CEMIP2: variants seen among roughly 807,000 people sequenced by gnomAD.
CEMIP2 encodes the protein cell migration inducing hyaluronidase 2.
CEMIP2 carries 79 observed loss-of-function variants against 146.9 expected under a neutral mutation model. The observed-to-expected ratio is 0.54, with a 90% CI of 0.45 to 0.65. The LOEUF (loss-of-function observed/expected upper bound fraction) is 0.65. Ranked by LOEUF, CEMIP2 falls within the 30% of genes least tolerant of loss-of-function variation. The pLI is 0.00. For synonymous variants in CEMIP2, 601 were observed against 606.3 expected, an observed-to-expected ratio of 0.99 and a Z score of 0.13; for missense variants, 1,596 against 1,696.2, an observed-to-expected ratio of 0.94 and a Z score of 1.04.
intron 1 of CEMIP2, among the ~76,000 whole-genome samples, chr9:71,765,742 T>C (rs1163301504): frequency 1.3e-5 from 2 of 152,184 alleles, no homozygotes; most frequent in African/African-American, 2.4e-5. Flanking sequence ...GGGGCTAGGC[T>C]CATTTCTTCA....
At chr9:71,743,359 A>G (rs1199712542) in intron 4 of CEMIP2, among the ~76,000 whole-genome samples, 1 of 152,190 alleles carries the variant, frequency 6.6e-6, no homozygotes, top group Non-Finnish European at 1.5e-5. Context: ...CAGGCATCAC[A>G]TTGCGGCAAC....
At chr9:71,697,632 G>T (rs1822438102) in intron 20 of CEMIP2, among the ~76,000 whole-genome samples, 1 of 152,002 alleles carries the variant, frequency 6.6e-6, no homozygotes, top group Non-Finnish European at 1.5e-5. Context: ...ACAAAACAAA[G>T]TATCTTTTTT....
At position 71,730,236 on chromosome 9, in the gene CEMIP2, C is replaced by A; in HGVS notation, c.1791G>T (p.Gly597=). ...TNGLLIKDTI[G]FDTLGHCFFL... ...AGAAACAATGACCTAGTGTGTCAAA[C>A]CCAATGGTGTCTTTTATCTGCAGAA... Residue 597 remains glycine, a synonymous_variant, in exon 9 of 24, where the codon GGG becomes GGT. Transcript: ENST00000377044. 1.2e-6 allele frequency: 2 copies of A among 1,613,998 alleles called. No homozygotes were observed. The highest frequency in any genetic ancestry group is 1.7e-6 in the Non-Finnish European group (2 of 1,180,002).
chr9:71,760,812 T>G (rs941787552), intron 1 of CEMIP2, among the ~76,000 whole-genome samples: 2 of 152,134 alleles, frequency 1.3e-5, no homozygotes. Context: ...TGCAGAGAGA[T>G]AGATTGTTCT....
At position 71,730,871 on chromosome 9, in the gene CEMIP2, A is replaced by C; in HGVS notation, c.1607T>G (p.Leu536Trp). The change falls in exon 8 of 24, where the codon TTG becomes TGG. Residue 536 changes from leucine to tryptophan, a missense_variant. Physicochemically the swap from Leu to Trp is moderately conservative, Grantham distance 61. Coordinates refer to ENST00000377044, the MANE Select transcript of CEMIP2 (RefSeq NM_013390.3). The part of the protein sequence containing the change: ...FTSVHLSYVE[L>W]KHMGQQQMGR... Reference sequence around the variant, plus strand: ...CATCTGCTGCTGACCCATGTGTTTCAATTCCACATAAGAAAGATGGACTGA... The same window carrying C: ...CATCTGCTGCTGACCCATGTGTTTCCATTCCACATAAGAAAGATGGACTGA... The C allele has an allele frequency of 6.2e-7, 1 of 1,614,200 alleles. No individual in the cohort carries two copies. The highest frequency in any genetic ancestry group is 8.5e-7 in the Non-Finnish European group (1 of 1,180,024).
chr9:71,752,171 G>C (rs1824272667), intron 1 of CEMIP2, among the ~76,000 whole-genome samples: 1 of 151,744 alleles, frequency 6.6e-6, no homozygotes, highest in Non-Finnish European at 1.5e-5. Flanking sequence ...TTAAACCTAG[G>C]TATTTTTACT....
Position 71,728,273 on chromosome 9 carries a change from A to ATACGTATATATATATATACG in CEMIP2, c.2049+1571_2049+1572insCGTATATATATATATACGTA, listed in dbSNP as rs1554684704. On this transcript the variant is annotated intron_variant, in intron 10 of 23. Transcript: ENST00000377044. ...TATGTATATACACGTATATATATAT[A>ATACGTATATATATATATACG]TATATATGTATATATATATATATAT... Among the ~76,000 whole-genome samples the ATACGTATATATATATATACG allele has an allele frequency of 2.2e-3, 21 of 9,618 alleles. 5 individuals are homozygous for ATACGTATATATATATATACG. Among genetic ancestry groups the ATACGTATATATATATATACG allele is most frequent in the Non-Finnish European group, 4.6e-3 (14 of 3,040 alleles). The allele number at this position is 9,618 out of a possible 152,430, so 6.3% of individuals were successfully genotyped here.
rs1424379294 is a variant in CEMIP2, at chr9:71,740,194, C to T, written c.1073G>A (p.Ser358Asn). 1.2e-5 allele frequency: 20 copies of T among 1,613,802 alleles called. No individual in the cohort carries two copies. The highest frequency in any genetic ancestry group is 1.5e-5 in the Non-Finnish European group (18 of 1,180,012). ...WALVGVIDGG[S>N]TSCNESVRNY... ...TCTCACGGATTCATTGCAAGAAGTG[C>T]TTCCACCATCAATGACACCAACTAA... Residue 358 changes from serine (S) to asparagine (N), a missense_variant, in exon 5 of 24, where the codon AGC (serine) becomes AAC (asparagine). Ser to Asn is a conservative substitution (Grantham distance 46, BLOSUM62 1). Coordinates refer to ENST00000377044, the MANE Select transcript of CEMIP2 (RefSeq NM_013390.3).
intron 11 of CEMIP2, 28 bp from the exon 12 acceptor site, chr9:71,722,543 T>G: frequency 6.6e-7 from 1 of 1,517,706 alleles, no homozygotes; most frequent in Non-Finnish European, 9.1e-7. Context: ...TGGACTGGAA[T>G]GAATATGAAT....
rs781642178 is a variant in CEMIP2 at position 71,714,156 on chromosome 9, G to A, written c.2591+778C>T. ...GCCTTGTTCTAGCCCAACATTCTGC[G>A]ACAGCACTCCTCTAGGGGAGTTGAT... On this transcript the variant is annotated intron_variant, in intron 15 of 23. Transcript: ENST00000377044. 3.9e-5 allele frequency among the ~76,000 whole-genome samples: 6 copies of A among 152,102 alleles called. 1 individual carries two copies. The East Asian group carries it at 5.8e-4, about 15-fold the overall frequency.
At chr9:71,696,444 G>A (rs565112716) in intron 20 of CEMIP2, among the ~76,000 whole-genome samples, 8 of 124,636 alleles carry the variant, frequency 6.4e-5, no homozygotes, top group Admixed American at 5.5e-4. Context: ...AGAAATATGA[G>A]AGACTAAGAC....
rs529078541 is a variant in CEMIP2 at position 71,738,998 on chromosome 9, G to A, written c.1204+1065C>T. ...TGGCTTTAAAAGAAAATCCTGTCTC[G>A]GATTATCTCCTACTAGCACTACTGA... On this transcript the variant is annotated intron_variant, in intron 5 of 23. Transcript: ENST00000377044. Among the ~76,000 whole-genome samples, 8 of 151,938 alleles carry A rather than the reference G, an allele frequency of 5.3e-5. No homozygotes were observed. The South Asian group carries it at 1.0e-3, about 20-fold the overall frequency.
intron 4 of CEMIP2, among the ~76,000 whole-genome samples, chr9:71,740,570 T>A (rs1823885046): frequency 6.6e-6 from 1 of 152,232 alleles, no homozygotes; most frequent in South Asian, 2.1e-4. Flanking sequence ...TTAAAATGAT[T>A]ATCACATGCT....
At chr9:71,734,480 C>A (rs953463615) in intron 6 of CEMIP2, among the ~76,000 whole-genome samples, 1 of 152,120 alleles carries the variant, frequency 6.6e-6, no homozygotes, top group African/African-American at 2.4e-5. Context: ...TGTAATGAAC[C>A]TACACATCCT....
intron 20 of CEMIP2, among the ~76,000 whole-genome samples, chr9:71,695,374 C>T (rs1822364281): frequency 6.6e-6 from 1 of 152,136 alleles, no homozygotes; most frequent in Admixed American, 6.6e-5. Flanking sequence ...TAAAAACTTC[C>T]CTGCAAGAAT....
At chr9:71,749,962 TA>T (rs202196965) in intron 2 of CEMIP2, 80 bp downstream of exon 2, 65 of 1,308,058 alleles carry the variant, frequency 5.0e-5, no homozygotes, top group South Asian at 1.7e-4. Context: ...CAACTTAAGA[TA>T]AATTTTTTTT....
At chr9:71,728,271 A>G (rs1589149366) in intron 10 of CEMIP2, among the ~76,000 whole-genome samples, 1 of 11,268 alleles carries the variant, frequency 8.9e-5, no homozygotes, top group Admixed American at 1.7e-3. Context: ...GTATATATAT[A>G]TATATATATG....
At chr9:71,761,404 C>G (rs1225582354) in intron 1 of CEMIP2, among the ~76,000 whole-genome samples, 1 of 152,092 alleles carries the variant, frequency 6.6e-6, no homozygotes, top group African/African-American at 2.4e-5. Flanking sequence ...AATGCAATGA[C>G]AATAGGAAAC....
At chr9:71,702,273 A>C (rs927583746) in intron 18 of CEMIP2, among the ~76,000 whole-genome samples, 2 of 151,352 alleles carry the variant, frequency 1.3e-5, no homozygotes, top group African/African-American at 2.4e-5. Context: ...AAAAAAAAAA[A>C]AAAAAAATAT....
Sources: allele counts gnomAD v4.1 joint callset (sites outside exome capture counted in the v4.1 genomes callset), GRCh38; gene constraint gnomAD v4.1.1; transcripts MANE v1.5; gene names NCBI Gene and HGNC (gene_info 2026-07-23, HGNC 2026-07-21).